The following PTPRT variants were observed in gnomAD, a reference collection of about 807,000 sequenced individuals.
The protein encoded by PTPRT is receptor-type tyrosine-protein phosphatase T.
PTPRT carries 56 observed loss-of-function variants against 176.8 expected under a neutral mutation model. That is an observed-to-expected ratio of 0.32 (90% CI 0.26 to 0.40). The LOEUF (loss-of-function observed/expected upper bound fraction) is 0.40, where lower values mean the gene tolerates loss of function less well. PTPRT is among the 10% of genes least tolerant of loss of function. The pLI is 1.00. For missense variants in PTPRT, 1,540 were observed against 1,908.2 expected (o/e 0.81, Z 3.60); for synonymous variants, 783 against 739.0 (o/e 1.06, Z -0.96).
chr20:42,294,127 G>C (rs2057354882), intron 12 of PTPRT, among the ~76,000 whole-genome samples: 1 of 152,130 alleles, frequency 6.6e-6, no homozygotes, highest in Non-Finnish European at 1.5e-5. Context: ...CCTATGTGGA[G>C]AACAAGAGCT....
chr20:43,018,640 C>T (rs1006127623), intron 1 of PTPRT, among the ~76,000 whole-genome samples: 2 of 152,120 alleles, frequency 1.3e-5, no homozygotes, highest in African/African-American at 2.4e-5. Flanking sequence ...GTGAAGTGTG[C>T]TTATCAACCA....
chr20:42,391,992 C>G (rs190244069), intron 9 of PTPRT, among the ~76,000 whole-genome samples: 12 of 152,222 alleles, frequency 7.9e-5, no homozygotes, highest in Non-Finnish European at 1.6e-4. Context: ...TGGGCAATGG[C>G]CAGAGAGGGG....
rs1235263210 is a variant in PTPRT at position 43,189,286 on chromosome 20, C to T, written c.88+360G>A. On this transcript the variant is annotated intron_variant, in intron 1 of 30. Coordinates refer to ENST00000373187, the MANE Select transcript of PTPRT (RefSeq NM_007050.6). The surrounding 1 kb of genome is among the most constrained non-coding windows in gnomAD (Gnocchi z 5.0). ...AACGCTCCACCCCGGGCGTCGGTGC[C>T]GCTCCTCGTCTCGCCGCCCCAAACA... Among the ~76,000 whole-genome samples the T allele has an allele frequency of 6.6e-6, 1 of 152,014 alleles. No individual in the cohort carries two copies. The highest frequency in any genetic ancestry group is 1.5e-5 in the Non-Finnish European group (1 of 68,000).
At chr20:42,572,707 CT>C (rs1344453031) in intron 7 of PTPRT, among the ~76,000 whole-genome samples, 1 of 152,186 alleles carries the variant, frequency 6.6e-6, no homozygotes, top group East Asian at 1.9e-4. Flanking sequence ...AGTTGTTTAG[CT>C]TTTAATCAAA....
chr20:42,799,363 C>A (rs932997124), intron 2 of PTPRT, among the ~76,000 whole-genome samples: 2 of 152,210 alleles, frequency 1.3e-5, no homozygotes, highest in Non-Finnish European at 2.9e-5. Context: ...CAAACAAAAG[C>A]AAAAGTGAAA....
chr20:42,507,356 C>A (rs779985504), intron 7 of PTPRT, among the ~76,000 whole-genome samples: 16 of 152,062 alleles, frequency 1.1e-4, no homozygotes, highest in African/African-American at 3.4e-4. Context: ...GCTCTTTAAG[C>A]TTCCATGGAG....
chr20:42,239,225 G>A (rs1217012093), intron 14 of PTPRT, among the ~76,000 whole-genome samples: 2 of 151,954 alleles, frequency 1.3e-5, no homozygotes, highest in Non-Finnish European at 2.9e-5. Flanking sequence ...TGTGTGCCAG[G>A]TATTGTTCTC....
chr20:42,935,377 C>T (rs1391648821), intron 1 of PTPRT, among the ~76,000 whole-genome samples: 2 of 152,126 alleles, frequency 1.3e-5, no homozygotes, highest in African/African-American at 2.4e-5. Flanking sequence ...TGGCCTCAAA[C>T]AATCCTCCTG....
intron 5 of PTPRT, among the ~76,000 whole-genome samples, chr20:42,769,328 A>G (rs1193248866): frequency 1.3e-5 from 2 of 152,208 alleles, no homozygotes; most frequent in African/African-American, 2.4e-5. Flanking sequence ...AACTTCCAAG[A>G]AAGTGTGTGG....
intron 7 of PTPRT, among the ~76,000 whole-genome samples, chr20:42,514,807 C>T (rs1411445784): frequency 2.0e-5 from 3 of 152,150 alleles, no homozygotes; most frequent in African/African-American, 7.2e-5. Flanking sequence ...TATTCTATCG[C>T]TATGTAGGAT....
chr20:42,738,871 A>G (rs911551722), intron 6 of PTPRT, among the ~76,000 whole-genome samples: 1 of 152,142 alleles, frequency 6.6e-6, no homozygotes, highest in Non-Finnish European at 1.5e-5. Flanking sequence ...CAGGAGTTTG[A>G]GACTAGCCTG....
chr20:42,513,030 T>G (rs1214372244), intron 7 of PTPRT, among the ~76,000 whole-genome samples: 2 of 152,134 alleles, frequency 1.3e-5, no homozygotes, highest in African/African-American at 4.8e-5. Flanking sequence ...CAGCTCATTT[T>G]TGTATTTTTA....
At chr20:42,575,973 T>C (rs2073252652) in intron 7 of PTPRT, among the ~76,000 whole-genome samples, 1 of 152,166 alleles carries the variant, frequency 6.6e-6, no homozygotes, top group Non-Finnish European at 1.5e-5. Context: ...CTGTCACCTC[T>C]CTGCTTAAAA....
chr20:42,109,081 C>T (rs1395963392), intron 23 of PTPRT, among the ~76,000 whole-genome samples: 1 of 152,156 alleles, frequency 6.6e-6, no homozygotes, highest in Non-Finnish European at 1.5e-5. Context: ...TTAGAGAGTC[C>T]AGGATTACCT....
chr20:42,866,955 C>T (rs1297946413), intron 2 of PTPRT, among the ~76,000 whole-genome samples: 5 of 152,204 alleles, frequency 3.3e-5, no homozygotes, highest in African/African-American at 9.6e-5. Flanking sequence ...AAGTGCTCAG[C>T]ACAGTGCCAT....
chr20:42,602,772 G>C (rs2073804882), intron 7 of PTPRT, among the ~76,000 whole-genome samples: 1 of 151,956 alleles, frequency 6.6e-6, no homozygotes, highest in South Asian at 2.1e-4. Context: ...ACAAGGAGCA[G>C]GGGCTTCACA....
chr20:42,853,289 AGAG>A (rs1361496533), intron 2 of PTPRT, among the ~76,000 whole-genome samples: 3 of 152,222 alleles, frequency 2.0e-5, no homozygotes, highest in African/African-American at 7.2e-5. Flanking sequence ...AAGATATATA[AGAG>A]GAGACTTATG....
intron 2 of PTPRT, among the ~76,000 whole-genome samples, chr20:42,862,258 C>T (rs1364235809): frequency 2.6e-5 from 4 of 152,138 alleles, no homozygotes; most frequent in Non-Finnish European, 4.4e-5. Context: ...GCTCACAAGG[C>T]CTCCCTTGGT....
intron 2 of PTPRT, among the ~76,000 whole-genome samples, chr20:42,813,833 C>T (rs2077737299): frequency 6.6e-6 from 1 of 152,138 alleles, no homozygotes; most frequent in Non-Finnish European, 1.5e-5. Flanking sequence ...ACTACATCTA[C>T]TTGCAGGTAT....
Sources: allele counts gnomAD v4.1 joint callset (sites outside exome capture counted in the v4.1 genomes callset), GRCh38; gene constraint gnomAD v4.1.1; non-coding constraint Gnocchi (gnomAD v3.1); transcripts MANE v1.5; gene names NCBI Gene and HGNC (gene_info 2026-07-23, HGNC 2026-07-21).